The following SMURF1 variants were observed in gnomAD, a reference collection of about 807,000 sequenced individuals.
SMURF1 encodes the protein E3 ubiquitin-protein ligase SMURF1.
Under a neutral mutation model 98.0 loss-of-function variants are expected in SMURF1, and 44 were observed. The observed-to-expected ratio is 0.45, with a 90% CI of 0.35 to 0.58. The LOEUF is 0.58. SMURF1 is among the 20% of genes least tolerant of loss of function. SMURF1 has a pLI of 0.00. For missense variants in SMURF1, 687 were observed against 938.4 expected (o/e 0.73, Z 3.50); for synonymous variants, 396 against 374.9 (o/e 1.06, Z -0.65).
chr7:99,102,848 A>G (rs1363934483), intron 1 of SMURF1, among the ~76,000 whole-genome samples: 1 of 151,978 alleles, frequency 6.6e-6, no homozygotes, highest in Non-Finnish European at 1.5e-5. Context: ...TGTTTTTGAG[A>G]CACAGTCTCA....
intron 3 of SMURF1, among the ~76,000 whole-genome samples, chr7:99,058,119 A>C (rs565158860): frequency 6.6e-6 from 1 of 151,690 alleles, no homozygotes; most frequent in African/African-American, 2.4e-5. Flanking sequence ...ACTATATTTT[A>C]TTTATTTTTA....
intron 1 of SMURF1, among the ~76,000 whole-genome samples, chr7:99,093,933 A>G (rs902934941): frequency 7.2e-5 from 11 of 152,152 alleles, no homozygotes; most frequent in African/African-American, 2.7e-4. Flanking sequence ...AAAACTAACA[A>G]ATAATGAAAG....
intron 1 of SMURF1, chr7:99,120,681 G>A (rs766342020): frequency 6.6e-6 from 1 of 151,674 alleles, no homozygotes; most frequent in Non-Finnish European, 1.5e-5. Flanking sequence ...GCAGTCTGTG[G>A]CTTAATTTAA....
At chr7:99,059,383 G>A (rs1247781108) in intron 3 of SMURF1, among the ~76,000 whole-genome samples, 1 of 134,618 alleles carries the variant, frequency 7.4e-6, no homozygotes, top group East Asian at 2.1e-4. Flanking sequence ...GGGCGACAGA[G>A]CAAGACTCCA....
chr7:99,044,920 G>C (rs372746410), intron 11 of SMURF1, among the ~76,000 whole-genome samples: 2 of 151,242 alleles, frequency 1.3e-5, no homozygotes, highest in Middle Eastern at 3.2e-3. Context: ...AGAGTGGCTT[G>C]AGCCCAGGAG....
intron 1 of SMURF1, among the ~76,000 whole-genome samples, chr7:99,091,558 G>A (rs956262403): frequency 8.5e-5 from 13 of 152,256 alleles, no homozygotes; most frequent in African/African-American, 2.2e-4. Flanking sequence ...GATGGTGGAC[G>A]GGAGTATCTG....
At chr7:99,115,008 T>G (rs1468228717) in intron 1 of SMURF1, among the ~76,000 whole-genome samples, 1 of 151,882 alleles carries the variant, frequency 6.6e-6, no homozygotes, top group Non-Finnish European at 1.5e-5. Context: ...AGAACAAAAT[T>G]CATAGCTATA....
chr7:99,042,022 C>G lies in SMURF1; in HGVS notation c.1371+96G>C. The G allele has an allele frequency of 6.0e-6, 6 of 1,002,644 alleles. No homozygotes were observed. In the South Asian group the frequency reaches 8.3e-5, roughly 14 times the overall value. 62.1% of individuals were successfully genotyped at this position (1,002,644 alleles called of 1,614,324 possible). A position where few individuals can be genotyped will look rare whatever the true frequency, so the allele number is the denominator to read the frequency against. ...TGCTTACCACTGTCTTTGATTAAGT[C>G]TACAACAAATAGACCAAGGACTGAG... On this transcript the variant is annotated intron_variant, in intron 12 of 17. Transcript: ENST00000361368.
chr7:99,136,861 G>T (rs1431269167), intron 1 of SMURF1, among the ~76,000 whole-genome samples: 1 of 152,126 alleles, frequency 6.6e-6, no homozygotes, highest in African/African-American at 2.4e-5. Context: ...GAGGTGGGAG[G>T]ATCACTGGAG....
chr7:99,078,939 C>A (rs994931538), intron 1 of SMURF1, among the ~76,000 whole-genome samples: 3 of 152,232 alleles, frequency 2.0e-5, no homozygotes, highest in African/African-American at 7.2e-5. Context: ...CACCCCTGTC[C>A]ACGGAAAAAT....
At chr7:99,083,651 T>C (rs1051145510) in intron 1 of SMURF1, among the ~76,000 whole-genome samples, 1 of 152,244 alleles carries the variant, frequency 6.6e-6, no homozygotes, top group African/African-American at 2.4e-5. Context: ...TCCAATTTAT[T>C]CTTAATACAT....
At chr7:99,052,495 C>A in intron 6 of SMURF1, 49 bp from the exon 7 acceptor site, 1 of 1,471,992 alleles carries the variant, frequency 6.8e-7, no homozygotes, top group Non-Finnish European at 9.0e-7. Context: ...GGAGGAGTCA[C>A]AAGACCAGCG....
At chr7:99,143,632 C>A (rs1341586143) in intron 1 of SMURF1, 94 bp downstream of exon 1, 5 of 963,230 alleles carry the variant, frequency 5.2e-6, no homozygotes, top group Non-Finnish European at 6.9e-6. Flanking sequence ...CAACGGCCGG[C>A]GTGGGGGAGG....
intron 11 of SMURF1, among the ~76,000 whole-genome samples, chr7:99,042,782 C>T (rs1232811450): frequency 6.6e-6 from 1 of 152,222 alleles, no homozygotes; most frequent in Non-Finnish European, 1.5e-5. Context: ...CTGCTCAAAA[C>T]TCCTTTTCAA....
intron 1 of SMURF1, among the ~76,000 whole-genome samples, chr7:99,140,963 A>C (rs2150659288): frequency 6.6e-6 from 1 of 152,342 alleles, no homozygotes; most frequent in Non-Finnish European, 1.5e-5. Flanking sequence ...CTTCTAGTTC[A>C]AACCTTTCGA....
At chr7:99,095,266 G>C (rs1044911673) in intron 1 of SMURF1, among the ~76,000 whole-genome samples, 1 of 152,076 alleles carries the variant, frequency 6.6e-6, no homozygotes, top group African/African-American at 2.4e-5. Context: ...TTTTAGTAGA[G>C]ACGGGGTTTC....
intron 16 of SMURF1, among the ~76,000 whole-genome samples, chr7:99,034,303 A>G (rs1795037141): frequency 6.6e-6 from 1 of 152,190 alleles, no homozygotes; most frequent in Non-Finnish European, 1.5e-5. Context: ...CCCACCTTCT[A>G]GACACTTGGA....
At chr7:99,105,260 C>T (rs1352739083) in intron 1 of SMURF1, among the ~76,000 whole-genome samples, 2 of 152,138 alleles carry the variant, frequency 1.3e-5, no homozygotes, top group Non-Finnish European at 1.5e-5. Context: ...TTTATCACAA[C>T]GAAAATTCCA....
chr7:99,082,094 T>C (rs1443926132), intron 1 of SMURF1, among the ~76,000 whole-genome samples: 2 of 152,258 alleles, frequency 1.3e-5, no homozygotes, highest in African/African-American at 2.4e-5. Context: ...TTTGGAGAAA[T>C]GTCTGTTCAG....
Sources: allele counts gnomAD v4.1 joint callset (sites outside exome capture counted in the v4.1 genomes callset), GRCh38; gene constraint gnomAD v4.1.1; transcripts MANE v1.5; gene names NCBI Gene and HGNC (gene_info 2026-07-23, HGNC 2026-07-21).